The following SOX5 variants were observed in gnomAD, a reference collection of about 807,000 sequenced individuals.
SOX5 encodes transcription factor SOX-5.
Under a neutral mutation model 92.0 loss-of-function variants are expected in SOX5, and 9 were observed. The observed-to-expected ratio is 0.10, with a 90% CI of 0.06 to 0.17. SOX5 has a LOEUF of 0.17. Among genes scored for constraint, SOX5 ranks in the 10% least tolerant of loss-of-function variants. SOX5 has a pLI of 1.00. For missense variants in SOX5, 642 were observed against 944.5 expected, an observed-to-expected ratio of 0.68 and a Z score of 4.20; for synonymous variants, 344 against 336.3, an observed-to-expected ratio of 1.02 and a Z score of -0.25.
At chr12:23,610,603 C>A (rs951175259) in intron 8 of SOX5, among the ~76,000 whole-genome samples, 1 of 152,028 alleles carries the variant, frequency 6.6e-6, no homozygotes, top group Non-Finnish European at 1.5e-5. Flanking sequence ...AGTGACTATA[C>A]ATAAAACAAA....
At chr12:24,285,982 T>C (rs750037983) in intron 2 of SOX5, among the ~76,000 whole-genome samples, 2 of 152,204 alleles carry the variant, frequency 1.3e-5, no homozygotes, top group Non-Finnish European at 2.9e-5. Context: ...AACTAGAATC[T>C]GTGAGGAAAT....
chr12:24,071,655 C>T (rs1033588702), intron 4 of SOX5, among the ~76,000 whole-genome samples: 7 of 152,040 alleles, frequency 4.6e-5, no homozygotes, highest in Admixed American at 1.3e-4. Flanking sequence ...AGGATGGTCT[C>T]GATCTCCTGA....
chr12:23,743,446 A>G (rs1371983641), intron 4 of SOX5, among the ~76,000 whole-genome samples: 1 of 151,972 alleles, frequency 6.6e-6, no homozygotes, highest in Non-Finnish European at 1.5e-5. Context: ...AGTAGCTGGG[A>G]TTACAGGCGC....
chr12:24,217,396 G>A (rs1292278068), intron 3 of SOX5, among the ~76,000 whole-genome samples: 1 of 152,148 alleles, frequency 6.6e-6, no homozygotes, highest in African/African-American at 2.4e-5. Flanking sequence ...GTGTTAGAAC[G>A]TAATACAATC....
chr12:24,265,181 T>G (rs934685390), intron 3 of SOX5, among the ~76,000 whole-genome samples: 1 of 152,228 alleles, frequency 6.6e-6, no homozygotes, highest in East Asian at 1.9e-4. Flanking sequence ...TTTTCTCTAA[T>G]TAAAAAATTA....
intron 4 of SOX5, among the ~76,000 whole-genome samples, chr12:24,139,535 A>T (rs1400420860): frequency 1.3e-5 from 2 of 152,218 alleles, no homozygotes; most frequent in African/African-American, 4.8e-5. Context: ...GATGGGATAA[A>T]ATATTTTAAT....
intron 2 of SOX5, among the ~76,000 whole-genome samples, chr12:23,875,387 C>A (rs1414509121): frequency 6.6e-6 from 1 of 152,142 alleles, no homozygotes; most frequent in Non-Finnish European, 1.5e-5. Flanking sequence ...TTCAGGAGAT[C>A]ATTTTAAGTT....
At chr12:23,976,619 T>C (rs995191107) in intron 4 of SOX5, among the ~76,000 whole-genome samples, 1 of 152,134 alleles carries the variant, frequency 6.6e-6, no homozygotes, top group African/African-American at 2.4e-5. Context: ...GCTTGCGATG[T>C]GATGTGGAAG....
At chr12:23,773,266 A>C (rs2094992003) in intron 3 of SOX5, among the ~76,000 whole-genome samples, 1 of 152,214 alleles carries the variant, frequency 6.6e-6, no homozygotes. Flanking sequence ...TTTGTTCACC[A>C]AATCCAGTGG....
intron 3 of SOX5, among the ~76,000 whole-genome samples, chr12:23,839,739 A>T (rs931634983): frequency 3.3e-5 from 5 of 152,052 alleles, no homozygotes; most frequent in Admixed American, 1.3e-4. Flanking sequence ...ATATCAATAG[A>T]TGCAGAAAAA....
At chr12:24,240,950 G>A (rs904653240) in intron 3 of SOX5, among the ~76,000 whole-genome samples, 2 of 152,128 alleles carry the variant, frequency 1.3e-5, no homozygotes, top group Non-Finnish European at 2.9e-5. Context: ...ACAGAGAACA[G>A]GTTCCTAAAT....
chr12:23,724,036 T>G (rs933995932), intron 6 of SOX5, among the ~76,000 whole-genome samples: 2 of 152,190 alleles, frequency 1.3e-5, no homozygotes, highest in African/African-American at 4.8e-5. Context: ...TTTTCACCAT[T>G]TATAAAAGGA....
At chr12:23,654,889 A>G (rs2082121263) in intron 7 of SOX5, among the ~76,000 whole-genome samples, 1 of 152,004 alleles carries the variant, frequency 6.6e-6, no homozygotes, top group Admixed American at 6.6e-5. Flanking sequence ...GACTATATAG[A>G]TATTTTAAAA....
At chr12:24,341,733 G>A (rs529690457) in intron 2 of SOX5, among the ~76,000 whole-genome samples, 1 of 152,192 alleles carries the variant, frequency 6.6e-6, no homozygotes, top group Non-Finnish European at 1.5e-5. Flanking sequence ...GGATGAGAGA[G>A]AAGGCTTCTC....
chr12:24,424,238 C>T (rs1966366846), intron 1 of SOX5, among the ~76,000 whole-genome samples: 2 of 152,078 alleles, frequency 1.3e-5, no homozygotes, highest in Non-Finnish European at 2.9e-5. Context: ...GTCTAGCTTC[C>T]TGAGTTTTTT....
intron 4 of SOX5, among the ~76,000 whole-genome samples, chr12:24,154,517 AAG>A (rs1282664637): frequency 2.0e-5 from 3 of 152,150 alleles, no homozygotes; most frequent in Non-Finnish European, 4.4e-5. Context: ...AAAAGGGTAA[AAG>A]AGAAAAATTT....
At chr12:24,182,589 C>A (rs1955615045) in intron 4 of SOX5, among the ~76,000 whole-genome samples, 1 of 151,490 alleles carries the variant, frequency 6.6e-6, no homozygotes, top group African/African-American at 2.4e-5. Flanking sequence ...TTCCTTCTCA[C>A]CTACAGGATA....
chr12:23,649,405 T>TA (rs560236052), intron 7 of SOX5, among the ~76,000 whole-genome samples: 130 of 152,204 alleles, frequency 8.5e-4, no homozygotes, highest in South Asian at 3.3e-3. Context: ...TCATACTTAG[T>TA]AAAAAAATCA....
In SOX5 at chr12:24,447,531, G is replaced by GA. The variant is rs370303708; in HGVS notation, c.-250-78893dup. 4.9e-3 allele frequency among the ~76,000 whole-genome samples: 750 copies of GA among 151,842 alleles called. 8 individuals carry two copies. Among genetic ancestry groups the GA allele is most frequent in the African/African-American group, 0.017 (709 of 41,404 alleles). On this transcript the variant is annotated intron_variant, in intron 1 of 4. Transcript: ENST00000446891. ...TCTGGAACAGAAAAATGACACTACG[G>GA]AAAAAAAACTAAAGACATCTAAATA...
Sources: gnomAD v4.1 joint callset for allele counts (sites outside exome capture counted in the v4.1 genomes callset) on GRCh38, gnomAD v4.1.1 for gene constraint, MANE v1.5 for transcripts, NCBI Gene and HGNC (gene_info 2026-07-23, HGNC 2026-07-21) for gene names.